The following NPHS1 variants were observed in gnomAD, a reference collection of about 807,000 sequenced individuals.
NPHS1 encodes nephrin.
In NPHS1, 107 loss-of-function variants were observed where a neutral mutation model predicts 139.7. The ratio of observed to expected loss-of-function variants is 0.77; its 90% confidence interval spans 0.66 to 0.90. The LOEUF (loss-of-function observed/expected upper bound fraction) is 0.90, where lower values mean the gene tolerates loss of function less well. Among genes scored for constraint, NPHS1 ranks in the 40% least tolerant of loss-of-function variants. The pLI, the probability that NPHS1 is intolerant of heterozygous loss-of-function variation, is 0.00. For synonymous variants in NPHS1, 707 were observed against 706.6 expected (o/e 1.00, Z -0.01); for missense variants, 1,580 against 1,654.2 (o/e 0.96, Z 0.78).
intron 17 of NPHS1, 73 bp downstream of exon 17, chr19:35,843,399 T>TC (rs1168361413): frequency 1.9e-6 from 3 of 1,580,006 alleles, no homozygotes; most frequent in Non-Finnish European, 2.6e-6. Context: ...TGGTCCCCAC[T>TC]CCCAAGGAAC....
At chr19:35,834,036 A>G (rs949468263) in intron 23 of NPHS1, among the ~76,000 whole-genome samples, 2 of 151,906 alleles carry the variant, frequency 1.3e-5, no homozygotes, top group Non-Finnish European at 2.9e-5. Flanking sequence ...AAACAGCTGC[A>G]TTTCTGTCAC....
At position 35,826,410 on chromosome 19, in the gene NPHS1, G is replaced by C. The variant is rs1001095277; in HGVS notation, c.*104C>G. 28 of 1,375,910 alleles carry C rather than the reference G, an allele frequency of 2.0e-5. No individual in the cohort carries two copies. The African/African-American group carries it at 3.6e-4, about 18-fold the overall frequency. 85.2% of individuals were successfully genotyped at this position (1,375,910 alleles called of 1,614,324 possible). On this transcript the variant is annotated 3_prime_UTR_variant, in exon 29 of 29. Coordinates refer to ENST00000378910, the MANE Select transcript of NPHS1 (RefSeq NM_004646.4). ...TCCTCTCCTGACACCAAGTCCCTTT[G>C]GGTTTTATGGAGCTCACCTAACCAG...
intron 25 of NPHS1, 28 bp downstream of exon 25, chr19:35,831,448 T>C (rs1275887675): frequency 1.9e-6 from 3 of 1,613,298 alleles, no homozygotes; most frequent in Non-Finnish European, 2.5e-6. Flanking sequence ...CCTCAGAGCC[T>C]TCTTTACAGA....
intron 23 of NPHS1, among the ~76,000 whole-genome samples, chr19:35,832,602 G>T (rs557661304): frequency 6.6e-6 from 1 of 151,390 alleles, no homozygotes; most frequent in South Asian, 2.1e-4. Flanking sequence ...TAATTAAGAC[G>T]GAGTTGGCTG....
intron 22 of NPHS1, among the ~76,000 whole-genome samples, chr19:35,837,896 C>G (rs1225788373): frequency 7.7e-6 from 1 of 130,274 alleles, no homozygotes; most frequent in Non-Finnish European, 1.6e-5. Flanking sequence ...GCCACAGTTT[C>G]TTAAGATGAA....
Position 35,839,251 on chromosome 19 carries a change from G to T in NPHS1, c.3095C>A (p.Pro1032His). The part of the protein sequence containing the change: ...SGLADKGTQL[P>H]ITTPGLHQPS... ...TCCCTTCCCACCTGGGGTAGTGATG[G>T]GAAGCTGGGTCCCTTTGTCAGCCAG... The change falls in exon 22 of 29, where the codon CCC (proline) becomes CAC (histidine). Residue 1032 changes from proline (P) to histidine (H), a missense_variant. By Grantham distance (77) the Pro-to-His change is moderately conservative. Coordinates refer to ENST00000378910, the MANE Select transcript of NPHS1 (RefSeq NM_004646.4). 1 of 1,614,196 alleles carries T rather than the reference G, an allele frequency of 6.2e-7. No individual in the cohort carries two copies. The highest frequency in any genetic ancestry group is 8.5e-7 in the Non-Finnish European group (1 of 1,180,040).
intron 9 of NPHS1, 95 bp downstream of exon 9, chr19:35,848,542 G>T (rs780681276): frequency 4.3e-5 from 68 of 1,580,554 alleles, no homozygotes; most frequent in Non-Finnish European, 5.3e-5. Context: ...CAAGGAGAAA[G>T]CCCCCCAGGC....
intron 24 of NPHS1, 47 bp downstream of exon 24, chr19:35,831,596 C>A: frequency 6.2e-7 from 1 of 1,612,844 alleles, no homozygotes; most frequent in South Asian, 1.1e-5. Flanking sequence ...ACAGGGTTCC[C>A]TATCACCCTC....
chr19:35,826,248 C>T lies in NPHS1; in HGVS notation c.*266G>A, dbSNP rs1208770444. 4 of 448,258 alleles carry T rather than the reference C, an allele frequency of 8.9e-6. No homozygotes were observed. The highest frequency in any genetic ancestry group is 3.4e-5 in the Admixed American group (1 of 29,168). The allele number at this position is 448,258 out of a possible 1,614,324, so 27.8% of individuals were successfully genotyped here. ...AGGCGTGAGTCACCGCACCCGGCAG[C>T]ATTTCATTTTTGAGACGACGTTTAC... is the stretch of plus-strand genomic sequence containing the variant. On this transcript the variant is annotated 3_prime_UTR_variant, in exon 29 of 29. Coordinates refer to ENST00000378910, the MANE Select transcript of NPHS1 (RefSeq NM_004646.4).
At chr19:35,827,219 G>A (rs1408362432) in intron 28 of NPHS1, among the ~76,000 whole-genome samples, 6 of 151,310 alleles carry the variant, frequency 4.0e-5, no homozygotes, top group Non-Finnish European at 5.9e-5. Context: ...GAGTTCAATC[G>A]ATCCACCCGT....
At chr19:35,847,002 G>T (rs1282696395) in intron 11 of NPHS1, among the ~76,000 whole-genome samples, 3 of 152,040 alleles carry the variant, frequency 2.0e-5, no homozygotes, top group Non-Finnish European at 4.4e-5. Context: ...ATGAATTTCC[G>T]ATAGTCTGTG....
At chr19:35,829,820 T>G (rs987259733) in intron 28 of NPHS1, among the ~76,000 whole-genome samples, 41 of 151,690 alleles carry the variant, frequency 2.7e-4, no homozygotes, top group Non-Finnish European at 5.1e-4. Context: ...ATTACTGGTG[T>G]GAGCCACCAT....
chr19:35,845,983 G>A lies in NPHS1; in HGVS notation c.1627+25C>T. ...GCTCTGTCCCTCCCGCCCCGCCCCC[G>A]GGCCTCAGCAGTGCGAGCCCTCACA... On this transcript the variant is annotated intron_variant, in intron 12 of 28. Coordinates refer to ENST00000378910, the MANE Select transcript of NPHS1 (RefSeq NM_004646.4). The surrounding 1 kb of genome is among the most constrained non-coding windows in gnomAD (Gnocchi z 5.5). 1 of 676,262 alleles carries A rather than the reference G, an allele frequency of 1.5e-6. No homozygotes were observed. The highest frequency in any genetic ancestry group is 2.5e-6 in the Non-Finnish European group (1 of 407,328). The allele number at this position is 676,262 out of a possible 1,614,324, so 41.9% of individuals were successfully genotyped here.
chr19:35,837,009 AAG>A lies in NPHS1; in HGVS notation c.3110-1250_3110-1249del, dbSNP rs1491345288. ...AGATTCCATTGCAAAAAAAAAAAAAAAGAAAGAAAAGAAAAGAAAAGAAAGAA... is the reference window on the plus strand; with the variant it reads ...AGATTCCATTGCAAAAAAAAAAAAAAAAAGAAAAGAAAAGAAAAGAAAGAA... On this transcript the variant is annotated intron_variant, in intron 22 of 28. Transcript: ENST00000378910. 1.9e-3 allele frequency among the ~76,000 whole-genome samples: 265 copies of A among 137,888 alleles called. 1 individual carries two copies. Among genetic ancestry groups the A allele is most frequent in the African/African-American group, 6.6e-3 (242 of 36,658 alleles). 90.5% of individuals were successfully genotyped at this position (137,888 alleles called of 152,430 possible). A position where few individuals can be genotyped will look rare whatever the true frequency, so the allele number is the denominator to read the frequency against.
intron 23 of NPHS1, 106 bp downstream of exon 23, chr19:35,835,599 A>T: frequency 1.9e-6 from 2 of 1,050,084 alleles, no homozygotes; most frequent in Non-Finnish European, 3.0e-6. Context: ...CTTGGCCAGA[A>T]CTAAGTCGTT....
chr19:35,831,436 T>A, intron 25 of NPHS1, 40 bp downstream of exon 25: 1 of 1,608,718 alleles, frequency 6.2e-7, no homozygotes, highest in Non-Finnish European at 8.5e-7. Flanking sequence ...CCCCCAAACC[T>A]CCCTCAGAGC....
intron 28 of NPHS1, among the ~76,000 whole-genome samples, chr19:35,829,543 CT>C (rs60571055): frequency 0.32 from 47,539 of 146,380 alleles, 9,168 homozygotes; most frequent in East Asian, 0.66. Context: ...ATTTTTTAAA[CT>C]TTTTTTTTTT....
intron 11 of NPHS1, 59 bp from the exon 12 acceptor site, chr19:35,846,253 A>G: frequency 1.3e-6 from 2 of 1,513,032 alleles, no homozygotes; most frequent in African/African-American, 1.4e-5. Flanking sequence ...CCAACCCCCA[A>G]CCCCCCTACC....
Position 35,825,684 on chromosome 19 carries a change from T to C in NPHS1, c.*830A>G, listed in dbSNP as rs1972792541. ...CTTTTCCTCTAGCTTCTTTTGATTG[T>C]CTGTTTATTTTAATGCTTATGGAGC... On this transcript the variant is annotated 3_prime_UTR_variant, in exon 29 of 29. Coordinates refer to ENST00000378910, the MANE Select transcript of NPHS1 (RefSeq NM_004646.4). Among the ~76,000 whole-genome samples the C allele has an allele frequency of 6.6e-6, 1 of 152,218 alleles. No individual in the cohort carries two copies. The highest frequency in any genetic ancestry group is 1.5e-5 in the Non-Finnish European group (1 of 68,042).
Sources: allele counts gnomAD v4.1 joint callset (sites outside exome capture counted in the v4.1 genomes callset), GRCh38; gene constraint gnomAD v4.1.1; non-coding constraint Gnocchi (gnomAD v3.1); transcripts MANE v1.5; gene names NCBI Gene and HGNC (gene_info 2026-07-23, HGNC 2026-07-21).